The following ARL15 variants were observed in gnomAD, a reference collection of about 807,000 sequenced individuals.
ARL15 encodes ADP-ribosylation factor-like protein 15.
In ARL15, 19 loss-of-function variants were observed where a neutral mutation model predicts 25.2. That is an observed-to-expected ratio of 0.75 (90% CI 0.53 to 1.10). The LOEUF is 1.10. Among genes scored for constraint, ARL15 ranks in the 50% least tolerant of loss-of-function variants. The probability of loss-of-function intolerance (pLI) is 0.00; values close to 1 mark genes in which losing one functional copy is unlikely to be tolerated. For synonymous variants in ARL15, 94 were observed against 86.8 expected (o/e 1.08, Z -0.46); for missense variants, 220 against 246.0 (o/e 0.89, Z 0.71).
At chr5:54,275,608 C>A (rs1393673422) in intron 1 of ARL15, among the ~76,000 whole-genome samples, 1 of 152,124 alleles carries the variant, frequency 6.6e-6, no homozygotes, top group African/African-American at 2.4e-5. Flanking sequence ...AGAGCCTGAG[C>A]GCCTGACTCA....
intron 4 of ARL15, chr5:53,887,469 T>TCA (rs2111880893): frequency 2.9e-6 from 2 of 679,606 alleles, no homozygotes; most frequent in South Asian, 3.2e-5. Context: ...ACTCTTACTA[T>TCA]ATTGGCCAGC....
intron 4 of ARL15, among the ~76,000 whole-genome samples, chr5:53,906,691 AATTT>A (rs1745258872): frequency 6.6e-6 from 1 of 152,238 alleles, no homozygotes; most frequent in Non-Finnish European, 1.5e-5. Context: ...GGCAAGGCTG[AATTT>A]GCAATGGCTT....
At chr5:54,171,647 A>T in intron 2 of ARL15, 137 bp downstream of exon 2, 1 of 1,062,144 alleles carries the variant, frequency 9.4e-7, no homozygotes, top group Non-Finnish European at 1.3e-6. Flanking sequence ...TTTTTGAAAA[A>T]GAGATAGTGT....
chr5:54,197,169 T>C (rs896821990), intron 1 of ARL15, among the ~76,000 whole-genome samples: 1 of 152,108 alleles, frequency 6.6e-6, no homozygotes, highest in Non-Finnish European at 1.5e-5. Context: ...TGAAGTGTAG[T>C]AGCAGAGTCC....
chr5:54,226,624 T>C (rs1448750188), intron 1 of ARL15, among the ~76,000 whole-genome samples: 2 of 151,502 alleles, frequency 1.3e-5, no homozygotes, highest in African/African-American at 4.8e-5. Flanking sequence ...AAATAATCTT[T>C]CTTTAGAAAT....
chr5:54,050,888 T>C (rs1250613313), intron 4 of ARL15, among the ~76,000 whole-genome samples: 1 of 152,188 alleles, frequency 6.6e-6, no homozygotes, highest in Non-Finnish European at 1.5e-5. Context: ...CCTTTCCCTA[T>C]GTTAACTTTC....
At chr5:54,285,494 A>G (rs192920813) in intron 1 of ARL15, 1 of 178,702 alleles carries the variant, frequency 5.6e-6, no homozygotes, top group Admixed American at 6.5e-5. Flanking sequence ...CAGAGGGCTA[A>G]TAAACACAAT....
intron 1 of ARL15, among the ~76,000 whole-genome samples, chr5:54,249,790 T>C (rs182147546): frequency 1.3e-5 from 2 of 151,932 alleles, no homozygotes; most frequent in African/African-American, 4.8e-5. Flanking sequence ...GGAGAGCTTG[T>C]AAGTAATTAA....
At chr5:53,958,858 T>C (rs1314234058) in intron 4 of ARL15, among the ~76,000 whole-genome samples, 1 of 152,106 alleles carries the variant, frequency 6.6e-6, no homozygotes, top group Non-Finnish European at 1.5e-5. Flanking sequence ...TCAGAAGATA[T>C]AACAATTATA....
intron 1 of ARL15, among the ~76,000 whole-genome samples, chr5:54,234,598 A>C (rs1291771085): frequency 6.6e-6 from 1 of 152,198 alleles, no homozygotes; most frequent in South Asian, 2.1e-4. Flanking sequence ...CTAATGAATT[A>C]TGTTTTTGTA....
intron 1 of ARL15, among the ~76,000 whole-genome samples, chr5:54,217,849 T>C (rs1378540126): frequency 1.3e-5 from 2 of 152,174 alleles, no homozygotes; most frequent in East Asian, 3.8e-4. Flanking sequence ...TTCTCTATGT[T>C]GGACTAAATT....
Position 53,886,491 on chromosome 5 carries a change from ATAAAAT to A in ARL15, c.*64_*69del. 1 of 1,489,716 alleles carries A rather than the reference ATAAAAT, an allele frequency of 6.7e-7. No individual in the cohort carries two copies. The highest frequency in any genetic ancestry group is 1.3e-5 in the South Asian group (1 of 74,924). 92.3% of individuals were successfully genotyped at this position (1,489,716 alleles called of 1,614,324 possible). A position where few individuals can be genotyped will look rare whatever the true frequency, so the allele number is the denominator to read the frequency against. Reference sequence around the variant, plus strand: ...AAGCCAATATAGTCTTGATACCAAAATAAAATTAAAATGAGAAACTAACATGATAGG... The same window carrying A: ...AAGCCAATATAGTCTTGATACCAAAATAAAATGAGAAACTAACATGATAGG... On this transcript the variant is annotated 3_prime_UTR_variant, in exon 5 of 5. Transcript: ENST00000504924.
At position 54,147,140 on chromosome 5, in the gene ARL15, A is replaced by C. The variant is rs557862835; in HGVS notation, c.253+7440T>G. Among the ~76,000 whole-genome samples, 7 of 152,310 alleles carry C rather than the reference A, an allele frequency of 4.6e-5. No homozygotes were observed. In the South Asian group the frequency reaches 1.4e-3, roughly 32 times the overall value. On this transcript the variant is annotated intron_variant, in intron 3 of 4. Coordinates refer to ENST00000504924, the MANE Select transcript of ARL15 (RefSeq NM_019087.3). ...ATTTCCCCTAGTATAGGCTAAGCCTAAGTGAGAAAGTACACAGCTCAGGGA... is the reference window on the plus strand; with the variant it reads ...ATTTCCCCTAGTATAGGCTAAGCCTCAGTGAGAAAGTACACAGCTCAGGGA...
chr5:53,986,132 A>C (rs1306493509), intron 4 of ARL15, among the ~76,000 whole-genome samples: 2 of 152,226 alleles, frequency 1.3e-5, no homozygotes, highest in Non-Finnish European at 2.9e-5. Context: ...AAATAAAAGA[A>C]TAGAGTACCT....
chr5:54,173,007 A>G (rs1054326230), intron 1 of ARL15, among the ~76,000 whole-genome samples: 2 of 151,962 alleles, frequency 1.3e-5, no homozygotes, highest in African/African-American at 4.8e-5. Flanking sequence ...GGTGAAACCC[A>G]GTCTGTACTA....
chr5:54,284,893 A>G (rs1275429449), intron 1 of ARL15, among the ~76,000 whole-genome samples: 3 of 152,218 alleles, frequency 2.0e-5, no homozygotes, highest in African/African-American at 4.8e-5. Flanking sequence ...GGATACATAT[A>G]TTTAAAAACA....
chr5:54,011,958 G>A lies in ARL15; in HGVS notation c.462+101244C>T, dbSNP rs1007554957. Among the ~76,000 whole-genome samples the A allele has an allele frequency of 5.3e-5, 8 of 152,066 alleles. No individual in the cohort carries two copies. In the East Asian group the frequency reaches 7.8e-4, roughly 15 times the overall value. Reference sequence around the variant, plus strand: ...CAGGAGGCCAAGGTTGCAGTGAGCTGAGATCGCGCCACTGCACCCTAGCCT... The same window carrying A: ...CAGGAGGCCAAGGTTGCAGTGAGCTAAGATCGCGCCACTGCACCCTAGCCT... On this transcript the variant is annotated intron_variant, in intron 4 of 4. Coordinates refer to ENST00000504924, the MANE Select transcript of ARL15 (RefSeq NM_019087.3).
intron 4 of ARL15, among the ~76,000 whole-genome samples, chr5:53,922,441 T>C (rs1745885108): frequency 6.6e-6 from 1 of 152,210 alleles, no homozygotes; most frequent in Admixed American, 6.5e-5. Flanking sequence ...TGAGGCATCA[T>C]TCTTGAATGT....
intron 4 of ARL15, among the ~76,000 whole-genome samples, chr5:53,910,633 T>TTATATATATA (rs70986649): frequency 0.041 from 2,219 of 54,310 alleles, 64 homozygotes; most frequent in Non-Finnish European, 0.049. Flanking sequence ...TAAAAAAAAA[T>TTATATATATA]TATATATATA....
Sources: gnomAD v4.1 joint callset for allele counts (sites outside exome capture counted in the v4.1 genomes callset) on GRCh38, gnomAD v4.1.1 for gene constraint, MANE v1.5 for transcripts, NCBI Gene and HGNC (gene_info 2026-07-23, HGNC 2026-07-21) for gene names.